Variants in PPA2 observed in about 807,000 individuals in gnomAD.
The protein encoded by PPA2 is inorganic pyrophosphatase 2, mitochondrial.
In PPA2, 48 loss-of-function variants were observed where a neutral mutation model predicts 49.5. That is an observed-to-expected ratio of 0.97 (90% CI 0.77 to 1.23). The LOEUF (loss-of-function observed/expected upper bound fraction) is 1.23, where lower values mean the gene tolerates loss of function less well. Among genes scored for constraint, PPA2 ranks in the 50% most tolerant of loss-of-function variants. The pLI, the probability that PPA2 is intolerant of heterozygous loss-of-function variation, is 0.00. For synonymous variants in PPA2, 131 were observed against 139.9 expected, an observed-to-expected ratio of 0.94 and a Z score of 0.45; for missense variants, 429 against 410.1, an observed-to-expected ratio of 1.05 and a Z score of -0.40.
chr4:105,378,705 T>A (rs1186948205), intron 10 of PPA2, among the ~76,000 whole-genome samples: 1 of 152,116 alleles, frequency 6.6e-6, no homozygotes, highest in Non-Finnish European at 1.5e-5. Flanking sequence ...TAAATTTAGG[T>A]CTAGGATCCA....
At chr4:105,433,981 T>C (rs987307325) in intron 6 of PPA2, among the ~76,000 whole-genome samples, 2 of 152,194 alleles carry the variant, frequency 1.3e-5, no homozygotes, top group African/African-American at 2.4e-5. Flanking sequence ...TGTGGTAGTA[T>C]GGTATTCTAT....
intron 9 of PPA2, 32 bp from the exon 10 acceptor site, chr4:105,386,668 C>A (rs1021784815): frequency 1.9e-6 from 3 of 1,589,068 alleles, no homozygotes; most frequent in Non-Finnish European, 2.6e-6. Flanking sequence ...TATTATTAAA[C>A]AGGATAAAAA....
intron 7 of PPA2, chr4:105,406,881 C>T (rs985774395): frequency 6.6e-6 from 1 of 151,860 alleles, no homozygotes; most frequent in African/African-American, 2.4e-5. Context: ...GCAATGGGGG[C>T]TGATAGAAAA....
intron 1 of PPA2, among the ~76,000 whole-genome samples, chr4:105,468,028 G>A (rs1275073171): frequency 6.6e-6 from 1 of 152,202 alleles, no homozygotes; most frequent in Non-Finnish European, 1.5e-5. Context: ...CAGAGCAACA[G>A]CAATGGTCAG....
At chr4:105,455,228 A>G (rs1421951649) in intron 2 of PPA2, among the ~76,000 whole-genome samples, 2 of 152,188 alleles carry the variant, frequency 1.3e-5, no homozygotes, top group African/African-American at 4.8e-5. Flanking sequence ...ACTTTTAGCC[A>G]AAAGCAAAGA....
At chr4:105,439,193 A>G (rs1724218773) in intron 5 of PPA2, among the ~76,000 whole-genome samples, 1 of 152,204 alleles carries the variant, frequency 6.6e-6, no homozygotes, top group Middle Eastern at 3.2e-3. Context: ...CACATGAATA[A>G]TATACCATAA....
At chr4:105,454,296 CTGCTGCTGTTGT>C (rs1355905803) in intron 2 of PPA2, among the ~76,000 whole-genome samples, 55 of 115,676 alleles carry the variant, frequency 4.8e-4, no homozygotes, top group African/African-American at 2.0e-3. Context: ...TTTGTTTTTG[CTGCTGCTGTTGT>C]TGTTGTTGTT....
At chr4:105,459,424 TG>T (rs1722998022) in intron 1 of PPA2, among the ~76,000 whole-genome samples, 1 of 152,224 alleles carries the variant, frequency 6.6e-6, no homozygotes, top group African/African-American at 2.4e-5. Flanking sequence ...GATACTAAAG[TG>T]GGCCACATTT....
At chr4:105,391,539 T>TA (rs35459147) in intron 9 of PPA2, among the ~76,000 whole-genome samples, 56,339 of 150,896 alleles carry the variant, frequency 0.37, 12,406 homozygotes, top group East Asian at 0.68. Context: ...TACAAAGTAT[T>TA]AAAAAAAAAT....
intron 7 of PPA2, among the ~76,000 whole-genome samples, chr4:105,413,988 C>T (rs1722881836): frequency 6.6e-6 from 1 of 152,130 alleles, no homozygotes; most frequent in Non-Finnish European, 1.5e-5. Context: ...TATGCAAAAA[C>T]TCTGGTATAC....
chr4:105,466,541 A>G (rs1296764433), intron 1 of PPA2, among the ~76,000 whole-genome samples: 1 of 152,198 alleles, frequency 6.6e-6, no homozygotes, highest in Admixed American at 6.5e-5. Flanking sequence ...TTGCCTCCTC[A>G]GAAGAAAGAA....
At chr4:105,411,810 A>G (rs1251987167) in intron 7 of PPA2, among the ~76,000 whole-genome samples, 1 of 152,204 alleles carries the variant, frequency 6.6e-6, no homozygotes, top group Non-Finnish European at 1.5e-5. Flanking sequence ...ACAAACAGAG[A>G]GCCAAATCAT....
intron 10 of PPA2, among the ~76,000 whole-genome samples, chr4:105,382,140 AT>A (rs1176173489): frequency 4.6e-5 from 7 of 151,920 alleles, no homozygotes; most frequent in Admixed American, 6.6e-5. Context: ...AATTATTTAT[AT>A]TTTTTGAGGC....
chr4:105,450,916 C>G (rs1722651518), intron 3 of PPA2, among the ~76,000 whole-genome samples: 1 of 152,032 alleles, frequency 6.6e-6, no homozygotes, highest in Admixed American at 6.5e-5. Context: ...CAACACTTTT[C>G]TAACGATTCA....
intron 7 of PPA2, chr4:105,405,735 A>C: frequency 6.7e-6 from 5 of 748,982 alleles, no homozygotes; most frequent in Non-Finnish European, 9.6e-6. Flanking sequence ...GATACCTTAT[A>C]AACAGATTAA....
chr4:105,473,659 C>T, intron 1 of PPA2: 1 of 767,360 alleles, frequency 1.3e-6, no homozygotes, highest in Non-Finnish European at 2.3e-6. Flanking sequence ...CAGCCGGCAG[C>T]CCTGCGCCTC....
chr4:105,404,906 C>A (rs1253179114), intron 7 of PPA2, among the ~76,000 whole-genome samples: 1 of 151,982 alleles, frequency 6.6e-6, no homozygotes, highest in African/African-American at 2.4e-5. Context: ...ATGGTGAAAC[C>A]CTGTCTCTAC....
chr4:105,381,043 C>G (rs1443995436), intron 10 of PPA2, among the ~76,000 whole-genome samples: 1 of 152,082 alleles, frequency 6.6e-6, no homozygotes, highest in Non-Finnish European at 1.5e-5. Context: ...CTTCACTTGC[C>G]TAAAAACTCT....
intron 6 of PPA2, among the ~76,000 whole-genome samples, chr4:105,432,169 T>C (rs1317262127): frequency 1.3e-5 from 2 of 152,210 alleles, no homozygotes; most frequent in African/African-American, 4.8e-5. Context: ...AAATGAACCA[T>C]AATAAAACAG....
Sources: gnomAD v4.1 joint callset for allele counts (sites outside exome capture counted in the v4.1 genomes callset) on GRCh38, gnomAD v4.1.1 for gene constraint, MANE v1.5 for transcripts, NCBI Gene and HGNC (gene_info 2026-07-23, HGNC 2026-07-21) for gene names.